Variants in TCF12 observed in about 807,000 individuals in gnomAD.
TCF12 encodes the protein DNA-binding protein HTF4.
In TCF12, 45 loss-of-function variants were observed where a neutral mutation model predicts 86.0. The ratio of observed to expected loss-of-function variants is 0.52; its 90% CI spans 0.41 to 0.67. The LOEUF is 0.67. TCF12 is among the 30% of genes least tolerant of loss of function. The pLI is 0.00. For synonymous variants in TCF12, 330 were observed against 299.6 expected, an observed-to-expected ratio of 1.10 and a Z score of -1.05; for missense variants, 881 against 859.9, an observed-to-expected ratio of 1.02 and a Z score of -0.31.
intron 3 of TCF12, among the ~76,000 whole-genome samples, chr15:56,940,523 T>TCTTCTTCTC (rs774095966): frequency 2.0e-5 from 3 of 147,088 alleles, no homozygotes; most frequent in African/African-American, 5.2e-5. Flanking sequence ...TCCTCCTCCT[T>TCTTCTTCTC]CTTCTTCTCC....
chr15:57,242,059 AT>A (rs1487846175), intron 12 of TCF12, among the ~76,000 whole-genome samples: 1 of 6,114 alleles, frequency 1.6e-4, no homozygotes, highest in Non-Finnish European at 5.9e-3. Flanking sequence ...ACCTGTCCCA[AT>A]AATCTGGCTT....
rs1280294044 is a variant in TCF12 at position 57,166,554 on chromosome 15, A to G, written c.390+88A>G. ...TAATAGATGAGATAGAAATTATCCA[A>G]TTTATTTCACTACTGTTTGTTTAAT... On this transcript the variant is annotated intron_variant, in intron 6 of 20. Transcript: ENST00000333725. The G allele has an allele frequency of 4.3e-6, 5 of 1,169,236 alleles. No homozygotes were observed. In the East Asian group the frequency reaches 7.5e-5, roughly 18 times the overall value. 72.4% of individuals were successfully genotyped at this position (1,169,236 alleles called of 1,614,324 possible).
chr15:57,089,984 G>A (rs539873932), intron 4 of TCF12, among the ~76,000 whole-genome samples: 1 of 152,296 alleles, frequency 6.6e-6, no homozygotes, highest in East Asian at 1.9e-4. Context: ...GGAGGCCAAG[G>A]CTGGAGGGTC....
At chr15:57,005,589 A>G (rs1334154617) in intron 3 of TCF12, among the ~76,000 whole-genome samples, 1 of 152,096 alleles carries the variant, frequency 6.6e-6, no homozygotes, top group East Asian at 1.9e-4. Context: ...TTATTTGTAG[A>G]CAGGGCCTTG....
intron 4 of TCF12, among the ~76,000 whole-genome samples, chr15:57,072,383 C>T (rs2069478872): frequency 6.6e-6 from 1 of 152,084 alleles, no homozygotes; most frequent in Non-Finnish European, 1.5e-5. Flanking sequence ...AATAGTTTTC[C>T]TTAATACATG....
intron 3 of TCF12, among the ~76,000 whole-genome samples, chr15:57,059,228 G>A (rs371364249): frequency 6.6e-6 from 1 of 152,182 alleles, no homozygotes; most frequent in Non-Finnish European, 1.5e-5. Context: ...ACCAGCGGGT[G>A]GGGGGAGAAA....
chr15:57,109,662 TG>T, intron 5 of TCF12, among the ~76,000 whole-genome samples: 1 of 152,336 alleles, frequency 6.6e-6, no homozygotes, highest in Admixed American at 6.5e-5. Flanking sequence ...TTTAGGTTTT[TG>T]TTGAGATGGA....
At chr15:57,247,867 T>C (rs2059933735) in intron 13 of TCF12, 2 of 759,754 alleles carry the variant, frequency 2.6e-6, no homozygotes, top group South Asian at 1.4e-5. Context: ...AATCTGTGAG[T>C]GTGCCCCATT....
intron 5 of TCF12, among the ~76,000 whole-genome samples, chr15:57,147,123 T>C (rs1167456316): frequency 6.6e-6 from 1 of 152,192 alleles, no homozygotes; most frequent in Non-Finnish European, 1.5e-5. Flanking sequence ...TCCAAAGCAG[T>C]TCCTTAAATA....
intron 19 of TCF12, 84 bp from the exon 20 acceptor site, chr15:57,282,361 A>T (rs2061729687): frequency 6.5e-7 from 1 of 1,541,016 alleles, no homozygotes; most frequent in African/African-American, 1.4e-5. Flanking sequence ...ATGAAGTTAC[A>T]CAAAACAACA....
chr15:57,189,068 C>T (rs1011440306), intron 6 of TCF12, among the ~76,000 whole-genome samples: 2 of 152,164 alleles, frequency 1.3e-5, no homozygotes, highest in Admixed American at 6.5e-5. Context: ...GGATCACAGG[C>T]GTGAGCTGCC....
chr15:57,260,756 C>T (rs2060551098), intron 16 of TCF12, among the ~76,000 whole-genome samples: 1 of 152,150 alleles, frequency 6.6e-6, no homozygotes, highest in Non-Finnish European at 1.5e-5. Context: ...GGATTTTGAA[C>T]TTCCTTTCCT....
rs181060347 is a variant in TCF12 at position 57,289,422 on chromosome 15, C to T, written c.*3277C>T. 1 of 152,154 alleles carries T rather than the reference C, an allele frequency of 6.6e-6. No individual in the cohort carries two copies. Among genetic ancestry groups the T allele is most frequent in the African/African-American group, 2.4e-5 (1 of 41,436 alleles). The allele number at this position is 152,154 out of a possible 1,614,324, so 9.4% of individuals were successfully genotyped here. ...TAAGAACACATAATTAGTAACAGAT[C>T]AAGACACTTAAAACTTTCCCTACAA... On this transcript the variant is annotated 3_prime_UTR_variant, in exon 21 of 21. Transcript: ENST00000333725.
intron 3 of TCF12, among the ~76,000 whole-genome samples, chr15:56,990,000 A>G (rs2063363592): frequency 6.6e-6 from 1 of 151,992 alleles, no homozygotes; most frequent in South Asian, 2.1e-4. Context: ...AGATTAAAAG[A>G]CAAAAAATAA....
intron 5 of TCF12, among the ~76,000 whole-genome samples, chr15:57,111,682 A>G (rs1227268466): frequency 1.4e-5 from 2 of 145,198 alleles, no homozygotes; most frequent in African/African-American, 2.6e-5. Context: ...ACCTCTGCCT[A>G]CCGGGCTCAA....
intron 3 of TCF12, among the ~76,000 whole-genome samples, chr15:56,986,011 C>A (rs1686296103): frequency 6.6e-6 from 1 of 152,022 alleles, no homozygotes; most frequent in Non-Finnish European, 1.5e-5. Flanking sequence ...AGTTTTTGAT[C>A]TTTTGTCAGT....
At chr15:57,068,221 T>C (rs1338932898) in intron 4 of TCF12, among the ~76,000 whole-genome samples, 2 of 152,136 alleles carry the variant, frequency 1.3e-5, no homozygotes, top group African/African-American at 4.8e-5. Flanking sequence ...TTTCATGAAG[T>C]TGTTGAGGAT....
chr15:57,051,448 C>T (rs1669459980), intron 3 of TCF12, among the ~76,000 whole-genome samples: 1 of 148,690 alleles, frequency 6.7e-6, no homozygotes, highest in Non-Finnish European at 1.5e-5. Context: ...TTGGCATTCT[C>T]AAATTCTGTT....
chr15:57,001,609 G>A (rs1406434802), intron 3 of TCF12, among the ~76,000 whole-genome samples: 1 of 152,154 alleles, frequency 6.6e-6, no homozygotes, highest in Admixed American at 6.5e-5. Flanking sequence ...AGAAAGCAGA[G>A]CACCTGTCTA....
Sources: gnomAD v4.1 joint callset for allele counts (sites outside exome capture counted in the v4.1 genomes callset) on GRCh38, gnomAD v4.1.1 for gene constraint, MANE v1.5 for transcripts, NCBI Gene and HGNC (gene_info 2026-07-23, HGNC 2026-07-21) for gene names.